The following SCAMP2 variants were observed in gnomAD, a reference collection of about 807,000 sequenced individuals.
SCAMP2 encodes secretory carrier membrane protein 2, also known as secretory carrier-associated membrane protein 2.
Under a neutral mutation model 44.1 loss-of-function variants are expected in SCAMP2, and 25 were observed. The ratio of observed to expected loss-of-function variants is 0.57; its 90% CI spans 0.41 to 0.79. The LOEUF (loss-of-function observed/expected upper bound fraction) is 0.79. Ranked by LOEUF, SCAMP2 falls within the 30% of genes least tolerant of loss-of-function variation. The pLI is 0.00. For missense variants in SCAMP2, 355 were observed against 411.0 expected, an observed-to-expected ratio of 0.86 and a Z score of 1.18; for synonymous variants, 156 against 166.0, an observed-to-expected ratio of 0.94 and a Z score of 0.46.
At chr15:74,873,027 G>T in intron 1 of SCAMP2, 172 bp downstream of exon 1, 1 of 553,462 alleles carries the variant, frequency 1.8e-6, no homozygotes, top group Non-Finnish European at 3.0e-6. Flanking sequence ...TCCACCTGCT[G>T]CTAGTCGCGC....
intron 7 of SCAMP2, among the ~76,000 whole-genome samples, chr15:74,846,307 TG>T (rs2064398417): frequency 6.6e-6 from 1 of 151,036 alleles, no homozygotes; most frequent in South Asian, 2.1e-4. Flanking sequence ...TAGCTGGCTG[TG>T]GTCATACATG....
At position 74,850,594 on chromosome 15, in the gene SCAMP2, A is replaced by G. The variant is rs765132003; in HGVS notation, c.552T>C (p.Phe184=). 9.3e-6 allele frequency: 15 copies of G among 1,613,942 alleles called. No individual in the cohort carries two copies. The highest frequency in any genetic ancestry group is 2.2e-5 in the East Asian group (1 of 44,896). ...FSGNSSKGVD[F]GLSILWFLIF... ...TCAGAAACCACAGGATGGAGAGGCCAAAGTCCACTCCCTTGGAGCTGTTGC... is the reference window on the plus strand; with the variant it reads ...TCAGAAACCACAGGATGGAGAGGCCGAAGTCCACTCCCTTGGAGCTGTTGC... The change falls in exon 6 of 9, where the codon TTT becomes TTC. Residue 184 remains phenylalanine (F), a synonymous_variant. Coordinates refer to ENST00000268099, the MANE Select transcript of SCAMP2 (RefSeq NM_005697.5).
rs2064588635 is a variant in SCAMP2 at position 74,873,137 on chromosome 15, C to G, written c.57+62G>C. 3 of 1,349,688 alleles carry G rather than the reference C, an allele frequency of 2.2e-6. No individual in the cohort carries two copies. The African/African-American group carries it at 4.7e-5, about 21-fold the overall frequency. The allele number at this position is 1,349,688 out of a possible 1,614,324, so 83.6% of individuals were successfully genotyped here. ...ACGTCTCCCGGCTCTAGCGAGAGGC[C>G]CGGGCGGCGGCCGTGGGCCCTAGGG... On this transcript the variant is annotated intron_variant, in intron 1 of 8. Transcript: ENST00000268099.
intron 6 of SCAMP2, 122 bp downstream of exon 6, chr15:74,850,391 AG>A: frequency 7.3e-6 from 7 of 959,938 alleles, no homozygotes; most frequent in Non-Finnish European, 1.1e-5. Context: ...ATGTAGGGAA[AG>A]TGGATTTCCC....
chr15:74,866,058 AAAG>A (rs903207337), intron 1 of SCAMP2, among the ~76,000 whole-genome samples: 10 of 151,652 alleles, frequency 6.6e-5, no homozygotes, highest in African/African-American at 9.7e-5. Flanking sequence ...AAAGAAAAGA[AAAG>A]AAAAAAAAGA....
intron 1 of SCAMP2, among the ~76,000 whole-genome samples, chr15:74,854,955 A>C (rs984654977): frequency 2.9e-5 from 4 of 137,074 alleles, no homozygotes; most frequent in Non-Finnish European, 6.1e-5. Flanking sequence ...GGTTCATAGT[A>C]TTTACCTCTA....
chr15:74,849,146 C>G (rs1461322785), intron 6 of SCAMP2, among the ~76,000 whole-genome samples: 1 of 152,110 alleles, frequency 6.6e-6, no homozygotes, highest in Non-Finnish European at 1.5e-5. Context: ...AAGCCAATCT[C>G]TTAATAATAA....
intron 3 of SCAMP2, chr15:74,853,436 A>C (rs777830750): frequency 4.4e-6 from 2 of 456,350 alleles, no homozygotes; most frequent in Non-Finnish European, 8.8e-6. Context: ...TGCCTCTCTG[A>C]GAGCTCGCTC....
intron 1 of SCAMP2, among the ~76,000 whole-genome samples, chr15:74,857,784 C>T (rs1176355680): frequency 6.6e-6 from 1 of 152,170 alleles, no homozygotes; most frequent in Non-Finnish European, 1.5e-5. Flanking sequence ...CAAATCTGAT[C>T]TCCATGATTA....
Position 74,852,160 on chromosome 15 carries a change from G to C in SCAMP2, c.252C>G (p.Gly84=), listed in dbSNP as rs768365996. 1 of 1,569,654 alleles carries C rather than the reference G, an allele frequency of 6.4e-7. No homozygotes were observed. The highest frequency in any genetic ancestry group is 8.6e-7 in the Non-Finnish European group (1 of 1,158,366). The change falls in exon 4 of 9, where the codon GGC becomes GGG. Residue 84 remains glycine, a synonymous_variant. Coordinates refer to ENST00000268099, the MANE Select transcript of SCAMP2 (RefSeq NM_005697.5). ...PQAVVSAAQA[G]LLRQQEELDR... ...CCAGTTCTTCCTGCTGCCGGAGCAGGCCTGCCTGGGCTGCAGACACCACGG... is the reference window on the plus strand; with the variant it reads ...CCAGTTCTTCCTGCTGCCGGAGCAGCCCTGCCTGGGCTGCAGACACCACGG...
intron 3 of SCAMP2, chr15:74,853,442 CG>C (rs770020448): frequency 2.2e-6 from 1 of 456,460 alleles, no homozygotes; most frequent in African/African-American, 2.0e-5. Context: ...TCTGAGAGCT[CG>C]CTCACTGCCA....
Position 74,852,189 on chromosome 15 carries a change from G to A in SCAMP2, c.226-3C>T, listed in dbSNP as rs770699955. On this transcript the variant is annotated splice_polypyrimidine_tract_variant and splice_region_variant and intron_variant, in intron 3 of 8. Coordinates refer to ENST00000268099, the MANE Select transcript of SCAMP2 (RefSeq NM_005697.5). ...GCCTGGGCTGCAGACACCACGGCCT[G>A]GAGAGAACAGGGGAGGTACAGGGAC... The A allele has an allele frequency of 1.1e-5, 16 of 1,513,730 alleles. No individual in the cohort carries two copies. Among genetic ancestry groups the A allele is most frequent in the African/African-American group, 1.4e-5 (1 of 70,722 alleles). 93.8% of individuals were successfully genotyped at this position (1,513,730 alleles called of 1,614,324 possible). A position where few individuals can be genotyped will look rare whatever the true frequency, so the allele number is the denominator to read the frequency against.
intron 1 of SCAMP2, among the ~76,000 whole-genome samples, chr15:74,871,598 C>T (rs2064575711): frequency 6.6e-6 from 1 of 151,586 alleles, no homozygotes; most frequent in Non-Finnish European, 1.5e-5. Context: ...ACTAAAAATA[C>T]AAAATTAGCC....
chr15:74,851,521 C>T lies in SCAMP2; in HGVS notation c.344-40G>A, dbSNP rs372591036. 5 of 1,608,936 alleles carry T rather than the reference C, an allele frequency of 3.1e-6. No individual in the cohort carries two copies. In the African/African-American group the frequency reaches 6.7e-5, roughly 22 times the overall value. ...AAGAGTGACGAGGTAAGGGCCCAGC[C>T]TCAGAAGGGGCATCAAGGTGCATGC... On this transcript the variant is annotated intron_variant, in intron 4 of 8. Transcript: ENST00000268099.
chr15:74,853,916 C>T, intron 3 of SCAMP2, 105 bp downstream of exon 3: 1 of 1,048,582 alleles, frequency 9.5e-7, no homozygotes, highest in Non-Finnish European at 1.5e-6. Context: ...CCTTAGGGGG[C>T]CAAGGCTGAA....
intron 1 of SCAMP2, 168 bp downstream of exon 1, chr15:74,873,031 G>C (rs1460620867): frequency 5.3e-6 from 3 of 565,366 alleles, no homozygotes; most frequent in East Asian, 3.5e-5. Flanking sequence ...CCTGCTGCTA[G>C]TCGCGCCCCT....
rs2064415916 is a variant in SCAMP2, at chr15:74,848,827, G to A, written c.633-126C>T. The A allele has an allele frequency of 1.7e-5, 11 of 646,672 alleles. No homozygotes were observed. In the South Asian group the frequency reaches 2.1e-4, roughly 12 times the overall value. 40.1% of individuals were successfully genotyped at this position (646,672 alleles called of 1,614,324 possible). A position where few individuals can be genotyped will look rare whatever the true frequency, so the allele number is the denominator to read the frequency against. On this transcript the variant is annotated intron_variant, in intron 6 of 8. Transcript: ENST00000268099. ...GCATGGGCAAGAGACAGAGCTCCAGGGGCCCAGCCATACCACCCGTAAGGA... is the reference window on the plus strand; with the variant it reads ...GCATGGGCAAGAGACAGAGCTCCAGAGGCCCAGCCATACCACCCGTAAGGA...
At chr15:74,873,024 G>T in intron 1 of SCAMP2, 175 bp downstream of exon 1, 1 of 545,614 alleles carries the variant, frequency 1.8e-6, no homozygotes, top group East Asian at 3.5e-5. Flanking sequence ...AGTTCCACCT[G>T]CTGCTAGTCG....
At chr15:74,846,242 A>G (rs1354526832) in intron 7 of SCAMP2, among the ~76,000 whole-genome samples, 1 of 151,662 alleles carries the variant, frequency 6.6e-6, no homozygotes, top group Non-Finnish European at 1.5e-5. Flanking sequence ...AGATCATGCC[A>G]TTGTACTCCA....
Sources: allele counts gnomAD v4.1 joint callset (sites outside exome capture counted in the v4.1 genomes callset), GRCh38; gene constraint gnomAD v4.1.1; transcripts MANE v1.5; gene names NCBI Gene and HGNC (gene_info 2026-07-23, HGNC 2026-07-21).